SMOC2: variants seen among roughly 807,000 people sequenced by gnomAD.
SMOC2 encodes the protein SPARC related modular calcium binding 2.
SMOC2 carries 39 observed loss-of-function variants against 61.4 expected under a neutral mutation model. The ratio of observed to expected loss-of-function variants is 0.64; its 90% CI spans 0.49 to 0.83. The LOEUF is 0.83. Ranked by LOEUF, SMOC2 falls within the 40% of genes least tolerant of loss-of-function variation. The pLI is 0.00. For synonymous variants in SMOC2, 247 were observed against 239.9 expected (o/e 1.03, Z -0.27); for missense variants, 556 against 592.9 (o/e 0.94, Z 0.65).
At chr6:168,627,615 A>G (rs772751808) in intron 9 of SMOC2, among the ~76,000 whole-genome samples, 1 of 152,196 alleles carries the variant, frequency 6.6e-6, no homozygotes, top group Non-Finnish European at 1.5e-5. Context: ...GGAGTGATAT[A>G]TTGCTTTGTC....
At chr6:168,454,644 A>G (rs1781541671) in intron 1 of SMOC2, among the ~76,000 whole-genome samples, 1 of 152,182 alleles carries the variant, frequency 6.6e-6, no homozygotes, top group Admixed American at 6.5e-5. Flanking sequence ...GGGATTTTCT[A>G]AACACACATT....
intron 7 of SMOC2, among the ~76,000 whole-genome samples, chr6:168,568,513 T>C (rs147485837): frequency 1.7e-3 from 266 of 152,286 alleles, no homozygotes; most frequent in African/African-American, 5.8e-3. Context: ...ACTCCTGATG[T>C]TGGACATTCT....
intron 11 of SMOC2, among the ~76,000 whole-genome samples, chr6:168,659,684 T>G (rs1787441517): frequency 1.3e-5 from 2 of 149,546 alleles, no homozygotes; most frequent in African/African-American, 4.9e-5. Flanking sequence ...GGGTGGAGGT[T>G]GTAGGTAGGG....
Position 168,475,065 on chromosome 6 carries a change from T to A in SMOC2, c.84+33611T>A, listed in dbSNP as rs1395810722. 6.6e-6 allele frequency among the ~76,000 whole-genome samples: 1 copy of A among 152,082 alleles called. No homozygotes were observed. Among genetic ancestry groups the A allele is most frequent in the Non-Finnish European group, 1.5e-5 (1 of 67,986 alleles). ...GTTGTGGCTGTAGCTTCAGAATAGA[T>A]CCCTTTATGGTAGGTCAGCACTCAT... On this transcript the variant is annotated intron_variant, in intron 1 of 12. Transcript: ENST00000356284. This position sits in a 1 kb window ranked among gnomAD's most constrained non-coding sequence, Gnocchi z 4.6.
intron 4 of SMOC2, among the ~76,000 whole-genome samples, chr6:168,536,769 G>A (rs142483335): frequency 8.7e-4 from 133 of 152,262 alleles, no homozygotes; most frequent in Middle Eastern, 3.4e-3. Context: ...CCCTGCTCCA[G>A]AATGTCCCCA....
At chr6:168,549,044 G>A in intron 6 of SMOC2, 85 bp from the exon 7 acceptor site, 1 of 1,008,386 alleles carries the variant, frequency 9.9e-7, no homozygotes, top group South Asian at 1.3e-5. Flanking sequence ...TTTGGCTGTT[G>A]GACTACTTGC....
chr6:168,545,900 G>C (rs1783984562), intron 5 of SMOC2, among the ~76,000 whole-genome samples: 1 of 152,124 alleles, frequency 6.6e-6, no homozygotes, highest in South Asian at 2.1e-4. Flanking sequence ...TTCCCATTTT[G>C]TTTTATTTTC....
chr6:168,666,558 C>T lies in SMOC2; in HGVS notation c.*120C>T, dbSNP rs895117023. On this transcript the variant is annotated 3_prime_UTR_variant, in exon 13 of 13. Transcript: ENST00000356284. ...GCACTTTGTACTTTAAATGTAAATTCACTTTGTAGAAATGAGCTATTTAAA... is the reference window on the plus strand; with the variant it reads ...GCACTTTGTACTTTAAATGTAAATTTACTTTGTAGAAATGAGCTATTTAAA... 4.4e-6 allele frequency: 5 copies of T among 1,134,966 alleles called. No homozygotes were observed. Among genetic ancestry groups the T allele is most frequent in the Non-Finnish European group, 6.5e-6 (5 of 763,720 alleles). The allele number at this position is 1,134,966 out of a possible 1,614,324, so 70.3% of individuals were successfully genotyped here. A position where few individuals can be genotyped will look rare whatever the true frequency, so the allele number is the denominator to read the frequency against.
rs1368174636 is a variant in SMOC2 at position 168,658,146 on chromosome 6, G to A, written c.1285+4918G>A. Among the ~76,000 whole-genome samples the A allele has an allele frequency of 6.6e-5, 10 of 152,134 alleles. No individual in the cohort carries two copies. In the South Asian group the frequency reaches 8.3e-4, roughly 13 times the overall value. ...TGCCAGATCTGCAGCTGGGGCCAGG[G>A]AACCATGGTGTCCCTCACCCCTGAT... On this transcript the variant is annotated intron_variant, in intron 11 of 12. Transcript: ENST00000356284.
intron 2 of SMOC2, among the ~76,000 whole-genome samples, chr6:168,512,347 C>G (rs1331130893): frequency 6.6e-6 from 1 of 152,154 alleles, no homozygotes; most frequent in African/African-American, 2.4e-5. Flanking sequence ...GTGCCTTTGT[C>G]CAGGGGTGCC....
chr6:168,516,925 G>T (rs1226818236), intron 2 of SMOC2, among the ~76,000 whole-genome samples: 1 of 152,136 alleles, frequency 6.6e-6, no homozygotes, highest in Non-Finnish European at 1.5e-5. Context: ...TTGCATTCCA[G>T]CCTGGCGACA....
chr6:168,567,881 G>A (rs1022512441), intron 7 of SMOC2, among the ~76,000 whole-genome samples: 16 of 112,288 alleles, frequency 1.4e-4, no homozygotes, highest in Non-Finnish European at 2.0e-4. Flanking sequence ...GTGCGTCTTC[G>A]CTTCAGATGA....
chr6:168,517,196 G>C (rs1390088938), intron 2 of SMOC2, among the ~76,000 whole-genome samples: 1 of 151,522 alleles, frequency 6.6e-6, no homozygotes, highest in Non-Finnish European at 1.5e-5. Flanking sequence ...GTGAGGCCTC[G>C]CTCTGAGGCC....
chr6:168,624,881 A>T, intron 9 of SMOC2, among the ~76,000 whole-genome samples: 1 of 152,022 alleles, frequency 6.6e-6, no homozygotes, highest in East Asian at 1.9e-4. Context: ...AAACACACAC[A>T]CAAACACAGA....
intron 12 of SMOC2, chr6:168,665,094 T>C (rs1488207227): frequency 3.6e-6 from 1 of 280,706 alleles, no homozygotes; most frequent in African/African-American, 2.3e-5. Context: ...CACTTACACT[T>C]GAAAACAGGG....
At chr6:168,539,099 G>A (rs999710137) in intron 4 of SMOC2, among the ~76,000 whole-genome samples, 14 of 152,122 alleles carry the variant, frequency 9.2e-5, no homozygotes, top group East Asian at 1.9e-4. Context: ...GGACCTGGAC[G>A]GCCACATGAA....
At chr6:168,586,305 T>C (rs779536737) in intron 7 of SMOC2, among the ~76,000 whole-genome samples, 11 of 152,204 alleles carry the variant, frequency 7.2e-5, no homozygotes, top group Non-Finnish European at 1.5e-4. Context: ...TACATATATT[T>C]TTAAATTTAC....
At chr6:168,608,384 C>A in intron 9 of SMOC2, 145 bp downstream of exon 9, 2 of 913,604 alleles carry the variant, frequency 2.2e-6, no homozygotes, top group Non-Finnish European at 3.3e-6. Flanking sequence ...TGCAGAGGGC[C>A]CTGAGTCCAG....
intron 4 of SMOC2, among the ~76,000 whole-genome samples, chr6:168,540,151 G>A (rs1783845782): frequency 6.6e-6 from 1 of 152,226 alleles, no homozygotes; most frequent in South Asian, 2.1e-4. Context: ...AGTGTGTAGT[G>A]CTGCGTCCCT....
Sources: allele counts gnomAD v4.1 joint callset (sites outside exome capture counted in the v4.1 genomes callset), GRCh38; gene constraint gnomAD v4.1.1; non-coding constraint Gnocchi (gnomAD v3.1); transcripts MANE v1.5; gene names NCBI Gene and HGNC (gene_info 2026-07-23, HGNC 2026-07-21).